Variants in STK10 observed in about 807,000 individuals in gnomAD.
STK10 encodes serine/threonine-protein kinase 10.
In STK10, 78 loss-of-function variants were observed where a neutral mutation model predicts 113.8. The observed-to-expected ratio is 0.69, with a 90% CI of 0.57 to 0.83. STK10 has a LOEUF of 0.83. STK10 is among the 40% of genes least tolerant of loss of function. The probability of loss-of-function intolerance (pLI) is 0.00; values close to 1 mark genes in which losing one functional copy is unlikely to be tolerated. For missense variants in STK10, 1,109 were observed against 1,280.1 expected (o/e 0.87, Z 2.04); for synonymous variants, 465 against 494.7 (o/e 0.94, Z 0.80).
chr5:172,087,753 C>G (rs1453978083), intron 10 of STK10, among the ~76,000 whole-genome samples: 1 of 133,480 alleles, frequency 7.5e-6, no homozygotes, highest in Non-Finnish European at 1.6e-5. Flanking sequence ...CTCAGCCTCC[C>G]GAGTAGCTGG....
chr5:172,168,424 G>A (rs573335194), intron 1 of STK10, among the ~76,000 whole-genome samples: 27 of 152,178 alleles, frequency 1.8e-4, no homozygotes, highest in Non-Finnish European at 3.8e-4. Flanking sequence ...ACACAGAGCC[G>A]GGGTGGCCAG....
intron 16 of STK10, among the ~76,000 whole-genome samples, 190 bp from the exon 17 acceptor site, chr5:172,054,884 C>T (rs1483515028): frequency 2.0e-5 from 3 of 152,168 alleles, no homozygotes; most frequent in African/African-American, 7.2e-5. Context: ...CCCCAGCCCT[C>T]GAGGAGCCCC....
chr5:172,046,350 C>T (rs1196722397), intron 18 of STK10, among the ~76,000 whole-genome samples: 1 of 120,782 alleles, frequency 8.3e-6, no homozygotes, highest in South Asian at 2.8e-4. Flanking sequence ...GAGCAAGACT[C>T]TGTCTCAAAA....
At chr5:172,073,793 CAAA>C (rs60492751) in intron 12 of STK10, among the ~76,000 whole-genome samples, 2 of 58,444 alleles carry the variant, frequency 3.4e-5, no homozygotes, top group Admixed American at 2.2e-4. Context: ...CTAAAAATAG[CAAA>C]AAAAAAAAAA....
chr5:172,115,254 C>T (rs1769354050), intron 4 of STK10: 1 of 152,304 alleles, frequency 6.6e-6, no homozygotes, highest in African/African-American at 2.4e-5. Context: ...GGATTACTAT[C>T]TGGGCCAAAC....
chr5:172,119,270 A>T (rs1195091678), intron 3 of STK10, among the ~76,000 whole-genome samples: 2 of 152,138 alleles, frequency 1.3e-5, no homozygotes, highest in African/African-American at 4.8e-5. Flanking sequence ...GGGCAAATGA[A>T]GGGAAAGTGA....
intron 3 of STK10, among the ~76,000 whole-genome samples, chr5:172,121,594 G>A (rs188029670): frequency 1.0e-3 from 159 of 151,874 alleles, no homozygotes; most frequent in African/African-American, 3.6e-3. Flanking sequence ...ATCACCTGAG[G>A]TTAGGAGTTC....
At chr5:172,085,821 TG>T (rs1272316960) in intron 10 of STK10, among the ~76,000 whole-genome samples, 1 of 152,160 alleles carries the variant, frequency 6.6e-6, no homozygotes, top group Admixed American at 6.5e-5. Flanking sequence ...CTCTCAGGGT[TG>T]GGGTCCGTGA....
At chr5:172,185,886 GGGGCAGTCCAAAA>G (rs1770947555) in intron 1 of STK10, among the ~76,000 whole-genome samples, 1 of 152,184 alleles carries the variant, frequency 6.6e-6, no homozygotes, top group African/African-American at 2.4e-5. Context: ...ACAGCAAGTC[GGGGCAGTCCAAAA>G]GCACTGCCTC....
intron 1 of STK10, among the ~76,000 whole-genome samples, chr5:172,181,743 G>T (rs1245819325): frequency 6.7e-6 from 1 of 150,268 alleles, no homozygotes; most frequent in African/African-American, 2.4e-5. Context: ...CTCGGGAGGT[G>T]GAGGTTGCAG....
intron 17 of STK10, among the ~76,000 whole-genome samples, chr5:172,053,928 G>A (rs553103140): frequency 4.6e-5 from 7 of 152,332 alleles, no homozygotes; most frequent in East Asian, 1.9e-4. Flanking sequence ...AAACGGATGC[G>A]GAAGGTGAAT....
At position 172,188,097 on chromosome 5, in the gene STK10, T is replaced by G; in HGVS notation, c.-55A>C. On this transcript the variant is annotated 5_prime_UTR_variant, in exon 1 of 19. Transcript: ENST00000176763. This position sits in a 1 kb window ranked among gnomAD's most constrained non-coding sequence, Gnocchi z 5.6. ...CTCGGGCTCGGGCTCGGGCTGTGGC[T>G]TCGGCGGCCGCGAGGAGAAGGAGGA... is the stretch of plus-strand genomic sequence containing the variant. 1 of 1,578,792 alleles carries G rather than the reference T, an allele frequency of 6.3e-7. No homozygotes were observed. Among genetic ancestry groups the G allele is most frequent in the Non-Finnish European group, 8.6e-7 (1 of 1,162,836 alleles).
At chr5:172,055,869 C>T in intron 15 of STK10, 93 bp from the exon 16 acceptor site, 1 of 1,140,802 alleles carries the variant, frequency 8.8e-7, no homozygotes, top group East Asian at 2.9e-5. Context: ...CACTCAGGGG[C>T]CCAGGACCAA....
chr5:172,152,454 G>A (rs1770255889), intron 2 of STK10, among the ~76,000 whole-genome samples: 1 of 152,190 alleles, frequency 6.6e-6, no homozygotes, highest in Admixed American at 6.6e-5. Context: ...GTAGCTATTA[G>A]CAGAGGACAT....
At chr5:172,177,669 G>C (rs1339862309) in intron 1 of STK10, among the ~76,000 whole-genome samples, 3 of 152,232 alleles carry the variant, frequency 2.0e-5, no homozygotes, top group Non-Finnish European at 4.4e-5. Flanking sequence ...TTTATTACAT[G>C]CTGAAGTGAT....
chr5:172,060,371 C>T (rs1767906146), intron 14 of STK10, among the ~76,000 whole-genome samples: 1 of 152,228 alleles, frequency 6.6e-6, no homozygotes, highest in African/African-American at 2.4e-5. Flanking sequence ...TGTGCCACTG[C>T]ACTCCAGCCT....
chr5:172,051,756 C>A (rs1767634582), intron 18 of STK10, among the ~76,000 whole-genome samples: 1 of 152,106 alleles, frequency 6.6e-6, no homozygotes, highest in Non-Finnish European at 1.5e-5. Flanking sequence ...GAGTGACTGG[C>A]AGCACTGGCT....
intron 12 of STK10, among the ~76,000 whole-genome samples, chr5:172,067,734 A>T (rs904796317): frequency 6.6e-6 from 1 of 152,134 alleles, no homozygotes; most frequent in African/African-American, 2.4e-5. Context: ...GAGGAGGGTC[A>T]TTCATTTGAA....
At chr5:172,078,245 C>T (rs1389545623) in intron 12 of STK10, among the ~76,000 whole-genome samples, 1 of 152,206 alleles carries the variant, frequency 6.6e-6, no homozygotes, top group Admixed American at 6.5e-5. Flanking sequence ...CACTGGCCTC[C>T]TGCCATCGCT....
Sources: gnomAD v4.1 joint callset for allele counts (sites outside exome capture counted in the v4.1 genomes callset) on GRCh38, gnomAD v4.1.1 for gene constraint, Gnocchi (gnomAD v3.1) non-coding constraint, MANE v1.5 for transcripts, NCBI Gene and HGNC (gene_info 2026-07-23, HGNC 2026-07-21) for gene names.